The following TRIM49B variants were observed in gnomAD, a reference collection of about 807,000 sequenced individuals.
TRIM49B encodes the protein tripartite motif containing 49B, also known as putative tripartite motif-containing protein 49B.
A neutral mutation model predicts 31.8 loss-of-function variants in TRIM49B; 18 were observed. The observed-to-expected ratio is 0.57, with a 90% confidence interval of 0.39 to 0.84. The LOEUF (loss-of-function observed/expected upper bound fraction) is 0.84. Among genes scored for constraint, TRIM49B ranks in the 40% least tolerant of loss-of-function variants. TRIM49B has a pLI of 0.00. For missense variants in TRIM49B, 494 were observed against 538.7 expected, an observed-to-expected ratio of 0.92 and a Z score of 0.82; for synonymous variants, 196 against 180.6, an observed-to-expected ratio of 1.09 and a Z score of -0.68.
intron 4 of TRIM49B, 61 bp downstream of exon 4, chr11:49,034,437 A>G (rs1473917414): frequency 1.2e-6 from 2 of 1,611,492 alleles, no homozygotes; most frequent in African/African-American, 1.3e-5. Context: ...TATTTTCCTC[A>G]TGGCTGAAAT....
At chr11:49,029,131 G>T (rs1178301233) in intron 1 of TRIM49B, among the ~76,000 whole-genome samples, 156 bp downstream of exon 1, 3 of 148,866 alleles carry the variant, frequency 2.0e-5, no homozygotes, top group Non-Finnish European at 1.5e-5. Flanking sequence ...GATACTAATT[G>T]TTATTTTGTG....
intron 1 of TRIM49B, 35 bp from the exon 2 acceptor site, chr11:49,031,561 G>A (rs1351060439): frequency 1.9e-6 from 3 of 1,608,860 alleles, no homozygotes; most frequent in Non-Finnish European, 1.7e-6. Flanking sequence ...CATCAACCCA[G>A]GCCCCAAAAT....
At chr11:49,031,050 T>A (rs902212093) in intron 1 of TRIM49B, among the ~76,000 whole-genome samples, 1 of 151,970 alleles carries the variant, frequency 6.6e-6, no homozygotes, top group Non-Finnish European at 1.5e-5. Context: ...TTTAATTTAA[T>A]TTTAAGTCCT....
rs753729210 is a variant in TRIM49B at position 49,032,312 on chromosome 11, A to G, written c.448A>G (p.Lys150Glu). Residue 150 changes from lysine (K) to glutamate (E), a missense_variant, in exon 3 of 7, where the codon AAA becomes GAA. By Grantham distance (56) the Lys-to-Glu change is moderately conservative. Around this residue, in one of 3 missense-constraint regions of TRIM49B, gnomAD observed 251 missense variants for 232.8 expected, o/e 1.08. Transcript: ENST00000332682. ...LLQKMQSLWE[K>E]ACENHRNLNV... The stretch of plus-strand genomic sequence containing the variant: ...ACAGAAAATGCAGTCTTTGTGGGAA[A>G]AAGCTTGTGAAAATCACAGAAACCT... 1.9e-6 allele frequency: 3 copies of G among 1,613,332 alleles called. No individual in the cohort carries two copies. Among genetic ancestry groups the G allele is most frequent in the South Asian group, 1.1e-5 (1 of 91,040 alleles).
chr11:49,029,734 A>G (rs1854422179), intron 1 of TRIM49B, among the ~76,000 whole-genome samples: 1 of 152,236 alleles, frequency 6.6e-6, no homozygotes, highest in South Asian at 2.1e-4. Context: ...CTCCAGACAG[A>G]ACCATAGGAT....
rs750802652 is a variant in TRIM49B, at chr11:49,037,732, G to T, written c.1114G>T (p.Asp372Tyr). 159 of 1,613,838 alleles carry T rather than the reference G, an allele frequency of 9.9e-5. No homozygotes were observed. Among genetic ancestry groups the T allele is most frequent in the Admixed American group, 4.5e-4 (27 of 59,996 alleles). The change falls in exon 7 of 7, where the codon GAT (aspartate) becomes TAT (tyrosine). Residue 372 changes from aspartate to tyrosine, a missense_variant. Around this residue, in one of 3 missense-constraint regions of TRIM49B, gnomAD observed 233 missense variants for 281.4 expected, o/e 0.83. Coordinates refer to ENST00000332682, the MANE Select transcript of TRIM49B (RefSeq NM_001206626.2). ...WKEKNQNEKI[D>Y]GEDGLFLLGC... ...AGAGAAGAATCAGAATGAGAAGATA[G>T]ATGGAGAGGATGGACTCTTTCTTCT...
rs1854447089 is a variant in TRIM49B, at chr11:49,031,619, AGG to A, written c.21_22del (p.Gln7HisfsTer47). On this transcript the variant is annotated frameshift_variant, in exon 2 of 7. Transcript: ENST00000332682. LOFTEE classifies it high-confidence loss of function. Reference sequence around the variant, plus strand: ...AGAAACATGAATTCTGGAATCTTACAGGTCTTTCAGAGGGAACTCATCTGCCC... The same window carrying A: ...AGAAACATGAATTCTGGAATCTTACATCTTTCAGAGGGAACTCATCTGCCC... 1 of 1,613,798 alleles carries A rather than the reference AGG, an allele frequency of 6.2e-7. No individual in the cohort carries two copies.
rs147511545 is a variant in TRIM49B at position 49,037,814 on chromosome 11, T to G, written c.1196T>G (p.Leu399Arg). 1.1e-3 allele frequency: 1,813 copies of G among 1,613,954 alleles called. 26 individuals carry two copies. In the African/African-American group the frequency reaches 0.022, roughly 20 times the overall value. The stretch of plus-strand genomic sequence containing the variant: ...CTCTTTACCACCTCCCCACTTCTGC[T>G]GCAATATATCCCAAGACCTACCAGC... Reference protein sequence around the residue: ...RSLFTTSPLLLQYIPRPTSRV... With the variant: ...RSLFTTSPLLRQYIPRPTSRV... The change falls in exon 7 of 7, where the codon CTG (leucine) becomes CGG (arginine). Residue 399 changes from leucine to arginine, a missense_variant. Coordinates refer to ENST00000332682, the MANE Select transcript of TRIM49B (RefSeq NM_001206626.2).
In TRIM49B at chr11:49,031,961, A is replaced by T. The variant is rs758109954; in HGVS notation, c.362A>T (p.His121Leu). ...TTGCTGTGCTCCAGCTCTCAGGAGC[A>T]CCGGGATCACAGACACTGTCCCATT... Reference protein sequence around the residue: ...LCLLCSSSQEHRDHRHCPIES... With the variant: ...LCLLCSSSQELRDHRHCPIES... Residue 121 changes from histidine to leucine, a missense_variant, in exon 2 of 7, where the codon CAC becomes CTC. Physicochemically the swap from His to Leu is moderately conservative, Grantham distance 99. Coordinates refer to ENST00000332682, the MANE Select transcript of TRIM49B (RefSeq NM_001206626.2). The T allele has an allele frequency of 1.1e-5, 18 of 1,611,902 alleles. No homozygotes were observed. The highest frequency in any genetic ancestry group is 2.2e-4 in the Middle Eastern group (1 of 4,456).
At position 49,037,615 on chromosome 11, in the gene TRIM49B, G is replaced by A; in HGVS notation, c.997G>A (p.Ala333Thr). The stretch of plus-strand genomic sequence containing the variant: ...ACCTAGAAGTTTTCTTGCATGGGGT[G>A]CTCAGACTTTCACCTCGGGCAAATA... The part of the protein sequence containing the change: ...ATPRSFLAWG[A>T]QTFTSGKYYW... Residue 333 changes from alanine to threonine, a missense_variant, in exon 7 of 7, where the codon GCT becomes ACT. By Grantham distance (58) the Ala-to-Thr change is moderately conservative. Transcript: ENST00000332682. The A allele has an allele frequency of 6.2e-7, 1 of 1,614,036 alleles. No homozygotes were observed. Among genetic ancestry groups the A allele is most frequent in the Non-Finnish European group, 8.5e-7 (1 of 1,179,938 alleles).
chr11:49,037,554 A>G lies in TRIM49B; in HGVS notation c.936A>G (p.Gly312=). The G allele has an allele frequency of 6.2e-7, 1 of 1,614,192 alleles. No individual in the cohort carries two copies. Among genetic ancestry groups the G allele is most frequent in the Non-Finnish European group, 8.5e-7 (1 of 1,180,042 alleles). ...AAATTTTGAGAAGCATGTGTATTGG[A>G]TGTGACCATCAAGATGTACCCTATT... is the stretch of plus-strand genomic sequence containing the variant. The part of the protein sequence containing the change: ...LCEILRSMCI[G]CDHQDVPYFT... The change falls in exon 7 of 7, where the codon GGA becomes GGG. Residue 312 remains glycine (G), a synonymous_variant. Transcript: ENST00000332682.
chr11:49,032,457 T>C (rs1854466615), intron 3 of TRIM49B, 86 bp downstream of exon 3: 5 of 1,580,886 alleles, frequency 3.2e-6, no homozygotes, highest in Non-Finnish European at 4.3e-6. Flanking sequence ...TATCAAACTG[T>C]AATGTTTCTG....
chr11:49,035,706 GT>G (rs1258068818), intron 5 of TRIM49B, among the ~76,000 whole-genome samples: 9 of 152,098 alleles, frequency 5.9e-5, no homozygotes, highest in Admixed American at 4.6e-4. Flanking sequence ...AAAGATAAGA[GT>G]TTTGTTTTGT....
chr11:49,033,595 A>G (rs1854481680), intron 3 of TRIM49B, among the ~76,000 whole-genome samples: 2 of 152,208 alleles, frequency 1.3e-5, no homozygotes, highest in Admixed American at 6.5e-5. Flanking sequence ...AGGAACCACA[A>G]AGAAGTCTAT....
intron 5 of TRIM49B, among the ~76,000 whole-genome samples, chr11:49,035,655 G>A (rs1361146317): frequency 6.6e-6 from 1 of 152,056 alleles, no homozygotes; most frequent in Admixed American, 6.5e-5. Context: ...ACCGCGCCCG[G>A]CCCCTGATTT....
chr11:49,035,065 C>T lies in TRIM49B; in HGVS notation c.739-30C>T, dbSNP rs1321623921. ...TGAAAGATGCATCTTGTGAAATGCA[C>T]TAAATCTCTCTTTTTTTTTTTTTTT... On this transcript the variant is annotated intron_variant, in intron 4 of 6. Coordinates refer to ENST00000332682, the MANE Select transcript of TRIM49B (RefSeq NM_001206626.2). 6 of 1,543,468 alleles carry T rather than the reference C, an allele frequency of 3.9e-6. No homozygotes were observed. The East Asian group carries it at 1.5e-4, about 39-fold the overall frequency.
At position 49,036,355 on chromosome 11, in the gene TRIM49B, A is replaced by G; in HGVS notation, c.816A>G (p.Ala272=). 6.3e-7 allele frequency: 1 copy of G among 1,578,790 alleles called. No homozygotes were observed. Among genetic ancestry groups the G allele is most frequent in the South Asian group, 1.1e-5 (1 of 87,704 alleles). ...AGCCTCTGAATCCAGAGCTCAGTGCAGGGCCCATCACTGGACTGAGGGACA... is the reference window on the plus strand; with the variant it reads ...AGCCTCTGAATCCAGAGCTCAGTGCGGGGCCCATCACTGGACTGAGGGACA... The part of the protein sequence containing the change: ...MPQPLNPELS[A]GPITGLRDRL... The change falls in exon 6 of 7, where the codon GCA becomes GCG. Residue 272 remains alanine, a synonymous_variant. Transcript: ENST00000332682.
intron 5 of TRIM49B, among the ~76,000 whole-genome samples, chr11:49,035,508 C>A (rs1217584741): frequency 2.0e-5 from 3 of 151,552 alleles, no homozygotes; most frequent in Admixed American, 6.6e-5. Context: ...TACAGGCGCC[C>A]GCCACCACAC....
intron 1 of TRIM49B, among the ~76,000 whole-genome samples, chr11:49,029,794 C>G (rs543766965): frequency 1.6e-4 from 25 of 152,316 alleles, no homozygotes; most frequent in African/African-American, 6.0e-4. Context: ...GAGTCAGCCA[C>G]AAACCACATA....
Sources: allele counts gnomAD v4.1 joint callset (sites outside exome capture counted in the v4.1 genomes callset), GRCh38; gene constraint gnomAD v4.1.1; regional missense constraint gnomAD v4.1.1; transcripts MANE v1.5; gene names NCBI Gene and HGNC (gene_info 2026-07-23, HGNC 2026-07-21).